The following ZBP1 variants were observed in gnomAD, a reference collection of about 807,000 sequenced individuals.
ZBP1 encodes Z-DNA-binding protein 1.
ZBP1 carries 42 observed loss-of-function variants against 41.1 expected under a neutral mutation model. The ratio of observed to expected loss-of-function variants is 1.02; its 90% CI spans 0.80 to 1.32. The LOEUF (loss-of-function observed/expected upper bound fraction) is 1.32. ZBP1 is among the 40% of genes most tolerant of loss of function. The pLI, the probability that ZBP1 is intolerant of heterozygous loss-of-function variation, is 0.00. For missense variants in ZBP1, 562 were observed against 549.7 expected (o/e 1.02, Z -0.22); for synonymous variants, 214 against 205.2 (o/e 1.04, Z -0.37).
chr20:57,616,757 T>C, intron 1 of ZBP1: 1 of 467,100 alleles, frequency 2.1e-6, no homozygotes, highest in Non-Finnish European at 3.9e-6. Flanking sequence ...CAGAGGGCAG[T>C]GGGGTTCCTC....
rs776414498 is a variant in ZBP1, at chr20:57,611,868, G to C, written c.733C>G (p.Leu245Val). ...TCCTGGGGCCCCCAGGGATCAACTA[G>C]GGTCCCCCAAGTTGAGGAATCACCT... ...APGDSSTWGT[L>V]VDPWGPQDIH... is the part of the protein sequence containing the mutation. The change falls in exon 6 of 8, where the codon CTA (leucine) becomes GTA (valine). Residue 245 changes from leucine (L) to valine (V), a missense_variant. Coordinates refer to ENST00000371173, the MANE Select transcript of ZBP1 (RefSeq NM_030776.3). 1.5e-5 allele frequency: 24 copies of C among 1,584,860 alleles called. No individual in the cohort carries two copies. In the South Asian group the frequency reaches 2.5e-4, roughly 17 times the overall value.
chr20:57,613,326 A>G lies in ZBP1; in HGVS notation c.507T>C (p.Asp169=), dbSNP rs778901181. ...SKAWTIYRPE[D]SGRRAKSASI... ...AGGCTGACTTTGCTCTTCTTCCAGA[A>G]TCTTCTGCAAAATAATATTCAACTG... The change falls in exon 5 of 8, where the codon GAT becomes GAC. Residue 169 remains aspartate, a synonymous_variant. Transcript: ENST00000371173. This position sits in a 1 kb window ranked among gnomAD's most constrained non-coding sequence, Gnocchi z 4.5. The G allele has an allele frequency of 6.2e-7, 1 of 1,612,964 alleles. No homozygotes were observed. The highest frequency in any genetic ancestry group is 1.1e-5 in the South Asian group (1 of 91,086).
Position 57,610,288 on chromosome 20 carries a change from G to T in ZBP1, c.954C>A (p.Ala318=), listed in dbSNP as rs146958594. 18 of 1,614,154 alleles carry T rather than the reference G, an allele frequency of 1.1e-5. No individual in the cohort carries two copies. The East Asian group carries it at 4.0e-4, about 36-fold the overall frequency. ...ACGATTTCATGTGGATTCTCTGGGC[G>T]GCTTCCCCCTCAGGGTGAGTTCCTG... ...PSPGTHPEGE[A]AQRIHMKSCF... The change falls in exon 7 of 8, where the codon GCC becomes GCA. Residue 318 remains alanine (A), a synonymous_variant. Coordinates refer to ENST00000371173, the MANE Select transcript of ZBP1 (RefSeq NM_030776.3). This position sits in a 1 kb window ranked among gnomAD's most constrained non-coding sequence, Gnocchi z 5.5.
chr20:57,615,085 T>C (rs1334639676), intron 3 of ZBP1, 25 bp from the exon 4 acceptor site: 2 of 1,613,526 alleles, frequency 1.2e-6, no homozygotes, highest in South Asian at 1.1e-5. Flanking sequence ...GGCCAGGTGG[T>C]TAGGGAGTAG....
chr20:57,609,009 C>T (rs1050049375), intron 7 of ZBP1, among the ~76,000 whole-genome samples: 1 of 152,350 alleles, frequency 6.6e-6, no homozygotes, highest in African/African-American at 2.4e-5. Context: ...CTCATCCAGC[C>T]CCTCTCCTGC....
chr20:57,611,457 A>G (rs1212026383), intron 6 of ZBP1, among the ~76,000 whole-genome samples: 2 of 107,234 alleles, frequency 1.9e-5, no homozygotes, highest in Non-Finnish European at 3.4e-5. Flanking sequence ...ACGTTTTACC[A>G]TATTGGTCAG....
chr20:57,604,915 C>A, intron 7 of ZBP1, 146 bp from the exon 8 acceptor site: 1 of 772,584 alleles, frequency 1.3e-6, no homozygotes. Flanking sequence ...AACAGGGAGC[C>A]CCACCTTTTC....
chr20:57,604,677 G>A lies in ZBP1; in HGVS notation c.1186C>T (p.Leu396=), dbSNP rs774547110. The A allele has an allele frequency of 6.2e-7, 1 of 1,614,170 alleles. No homozygotes were observed. The highest frequency in any genetic ancestry group is 8.5e-7 in the Non-Finnish European group (1 of 1,180,034). ...TPSHSKLTPK[L]ETMTLGNRSH... ...CTGTTTCCAAGAGTCATAGTTTCCA[G>A]CTTGGGGGTGAGCTTCGAGTGGCTG... is the stretch of plus-strand genomic sequence containing the variant. The change falls in exon 8 of 8, where the codon CTG becomes TTG. Residue 396 remains leucine (L), a synonymous_variant. Coordinates refer to ENST00000371173, the MANE Select transcript of ZBP1 (RefSeq NM_030776.3).
At chr20:57,614,547 T>A (rs1274937903) in intron 4 of ZBP1, among the ~76,000 whole-genome samples, 2 of 151,932 alleles carry the variant, frequency 1.3e-5, no homozygotes, top group African/African-American at 4.8e-5. Context: ...TCTGCCAACT[T>A]TTAAACCCCA....
Position 57,609,636 on chromosome 20 carries a change from C to T in ZBP1, c.1093+513G>A, listed in dbSNP as rs567745707. Among the ~76,000 whole-genome samples, 12 of 152,184 alleles carry T rather than the reference C, an allele frequency of 7.9e-5. No homozygotes were observed. The South Asian group carries it at 2.5e-3, about 32-fold the overall frequency. The stretch of plus-strand genomic sequence containing the variant: ...AAGAAACCCTGGTCTGCTACCCTCA[C>T]CCGGACATGAGACTTGGGCTTCAAG... On this transcript the variant is annotated intron_variant, in intron 7 of 7. Transcript: ENST00000371173.
At position 57,611,904 on chromosome 20, in the gene ZBP1, A is replaced by G. The variant is rs868726412; in HGVS notation, c.697T>C (p.Ser233Pro). ...GTTGAGGAATCACCTGGTGCCATTG[A>G]AGGGAGGTGGCGTGGACCGGCGGAA... is the stretch of plus-strand genomic sequence containing the variant. ...DGSAGPRHLP[S>P]MAPGDSSTWG... Residue 233 changes from serine (S) to proline (P), a missense_variant, in exon 6 of 8, where the codon TCA becomes CCA. Transcript: ENST00000371173. The G allele has an allele frequency of 1.3e-6, 2 of 1,566,708 alleles. No individual in the cohort carries two copies. The highest frequency in any genetic ancestry group is 1.2e-5 in the South Asian group (1 of 85,272).
chr20:57,618,168 T>G (rs1438050603), intron 1 of ZBP1: 1 of 152,496 alleles, frequency 6.6e-6, no homozygotes, highest in African/African-American at 2.4e-5. Flanking sequence ...GGGCAGCACC[T>G]GGCAGCCAGC....
chr20:57,607,259 T>A (rs1227772779), intron 7 of ZBP1: 1 of 1,303,418 alleles, frequency 7.7e-7, no homozygotes, highest in African/African-American at 1.5e-5. Flanking sequence ...CCAAATTTCA[T>A]GAATGACTTT....
intron 2 of ZBP1, chr20:57,615,953 T>C (rs1439194084): frequency 1.8e-6 from 1 of 553,764 alleles, no homozygotes; most frequent in Non-Finnish European, 3.2e-6. Flanking sequence ...CATGGCGTCA[T>C]TGCTGTCTCC....
At chr20:57,612,530 C>G (rs535082700) in intron 5 of ZBP1, among the ~76,000 whole-genome samples, 2 of 151,518 alleles carry the variant, frequency 1.3e-5, no homozygotes, top group Non-Finnish European at 3.0e-5. Context: ...GGGAAAGGTT[C>G]TCCCAAGGTT....
chr20:57,604,626 G>A lies in ZBP1; in HGVS notation c.1237C>T (p.His413Tyr). Residue 413 changes from histidine (H) to tyrosine (Y), a missense_variant, in exon 8 of 8, where the codon CAC (histidine) becomes TAC (tyrosine). Transcript: ENST00000371173. ...NRSHKAAEGS[H>Y]YVDEASHEGS... Reference sequence around the variant, plus strand: ...TCGTGTGAGGCTTCATCCACATAGTGGCTGCCTTCTGCAGCTTTGTGACTC... The same window carrying A: ...TCGTGTGAGGCTTCATCCACATAGTAGCTGCCTTCTGCAGCTTTGTGACTC... 1 of 1,614,168 alleles carries A rather than the reference G, an allele frequency of 6.2e-7. No individual in the cohort carries two copies. The highest frequency in any genetic ancestry group is 8.5e-7 in the Non-Finnish European group (1 of 1,180,020).
intron 2 of ZBP1, 110 bp from the exon 3 acceptor site, chr20:57,615,690 C>G (rs1004804559): frequency 2.3e-6 from 2 of 857,836 alleles, no homozygotes; most frequent in Non-Finnish European, 3.6e-6. Flanking sequence ...CCGGTAGTTG[C>G]AAACTCAGAC....
intron 2 of ZBP1, 56 bp from the exon 3 acceptor site, chr20:57,615,636 C>A: frequency 6.5e-7 from 1 of 1,527,906 alleles, no homozygotes; most frequent in South Asian, 1.2e-5. Context: ...CACCAGGCCT[C>A]CACCCCACAA....
intron 7 of ZBP1, among the ~76,000 whole-genome samples, chr20:57,609,593 G>A (rs981814827): frequency 3.3e-5 from 5 of 151,892 alleles, no homozygotes; most frequent in Admixed American, 2.0e-4. Flanking sequence ...CCCAAGGGAC[G>A]ACTCAGCACT....
Sources: allele counts gnomAD v4.1 joint callset (sites outside exome capture counted in the v4.1 genomes callset), GRCh38; gene constraint gnomAD v4.1.1; non-coding constraint Gnocchi (gnomAD v3.1); transcripts MANE v1.5; gene names NCBI Gene and HGNC (gene_info 2026-07-23, HGNC 2026-07-21).